The following RNF212B variants were observed in gnomAD, a reference collection of about 807,000 sequenced individuals.
The protein encoded by RNF212B is E3 ubiquitin-protein ligase RNF212B.
A neutral mutation model predicts 55.5 loss-of-function variants in RNF212B; 52 were observed. That is an observed-to-expected ratio of 0.94 (90% confidence interval 0.75 to 1.18). The LOEUF (loss-of-function observed/expected upper bound fraction) is 1.18. Ranked by LOEUF, RNF212B falls within the 50% of genes most tolerant of loss-of-function variation. The pLI is 0.00. For synonymous variants in RNF212B, 99 were observed against 121.4 expected, an observed-to-expected ratio of 0.82 and a Z score of 1.21; for missense variants, 289 against 350.4, an observed-to-expected ratio of 0.82 and a Z score of 1.40.
rs1467432308 is a variant in RNF212B at position 23,258,647 on chromosome 14, A to G, written c.327A>G (p.Ala109=). Residue 109 remains alanine, a synonymous_variant, in exon 5 of 15, where the codon GCA becomes GCG. Coordinates refer to ENST00000430154, the MANE Select transcript of RNF212B (RefSeq NM_001282322.3). ...CAGCCATGCAGGAGGCACAGCAAGC[A>G]CTGGTGAGCCAGGACAAGTAAGTAA... is the stretch of plus-strand genomic sequence containing the variant. ...LETAMQEAQQ[A]LVSQDKELSV... 2.0e-6 allele frequency: 3 copies of G among 1,517,712 alleles called. No individual in the cohort carries two copies. Among genetic ancestry groups the G allele is most frequent in the Admixed American group, 4.1e-5 (2 of 48,690 alleles). The allele number at this position is 1,517,712 out of a possible 1,614,324, so 94.0% of individuals were successfully genotyped here.
At chr14:23,241,518 G>A (rs953888384) in intron 2 of RNF212B, among the ~76,000 whole-genome samples, 4 of 151,990 alleles carry the variant, frequency 2.6e-5, no homozygotes, top group African/African-American at 9.7e-5. Flanking sequence ...CTGCTTCCCA[G>A]GTTCAAGCGA....
At chr14:23,194,695 A>T (rs942828286) in intron 2 of RNF212B, among the ~76,000 whole-genome samples, 2 of 133,510 alleles carry the variant, frequency 1.5e-5, no homozygotes, top group African/African-American at 2.8e-5. Context: ...AGATCGTGCC[A>T]CTGCACTCCA....
At chr14:23,250,317 A>G (rs1884310384) in intron 4 of RNF212B, among the ~76,000 whole-genome samples, 1 of 151,880 alleles carries the variant, frequency 6.6e-6, no homozygotes, top group African/African-American at 2.4e-5. Context: ...TGTCTCTACT[A>G]AAAATACAAA....
intron 4 of RNF212B, among the ~76,000 whole-genome samples, chr14:23,255,143 T>G (rs1191033219): frequency 6.6e-6 from 1 of 152,220 alleles, no homozygotes. Flanking sequence ...GGAAAGTAAC[T>G]TTGAACCAAC....
At chr14:23,239,566 G>C (rs1364456684) in intron 1 of RNF212B, among the ~76,000 whole-genome samples, 3 of 152,094 alleles carry the variant, frequency 2.0e-5, no homozygotes, top group East Asian at 1.9e-4. Context: ...AAAAGAAATG[G>C]ACGATTCATT....
Position 23,272,885 on chromosome 14 carries a change from T to C in RNF212B, c.897T>C (p.Ser299=). ...LPSGREAWTT[S]R ...GTGGGAGAGAAGCATGGACCACTTCTAGATAGATCATCTTCAAGATCTGAT... is the reference window on the plus strand; with the variant it reads ...GTGGGAGAGAAGCATGGACCACTTCCAGATAGATCATCTTCAAGATCTGAT... Residue 299 remains serine, a synonymous_variant, in exon 15 of 15, where the codon TCT becomes TCC. Coordinates refer to ENST00000430154, the MANE Select transcript of RNF212B (RefSeq NM_001282322.3). The C allele has an allele frequency of 6.5e-7, 1 of 1,530,894 alleles. No homozygotes were observed. 94.8% of individuals were successfully genotyped at this position (1,530,894 alleles called of 1,614,324 possible).
chr14:23,230,471 G>A lies in RNF212B; in HGVS notation c.-1-9874G>A, dbSNP rs187980146. On this transcript the variant is annotated intron_variant, in intron 2 of 15. Transcript: ENST00000399910. ...AGATCGAGACCATCCTGGCTAACAC[G>A]GTGAAACCCCGTCTCTACTAAAAAT... Among the ~76,000 whole-genome samples, 430 of 151,924 alleles carry A rather than the reference G, an allele frequency of 2.8e-3. 2 individuals carry two copies. The South Asian group carries it at 0.033, about 12-fold the overall frequency.
chr14:23,208,757 G>GTTTTCTTTTTTT (rs1880116217), intron 2 of RNF212B, among the ~76,000 whole-genome samples: 1 of 98,110 alleles, frequency 1.0e-5, no homozygotes, highest in African/African-American at 4.6e-5. Flanking sequence ...GCTGGTTGCC[G>GTTTTCTTTTTTT]TTTTTTTTTT....
chr14:23,243,173 T>A (rs780298164), intron 2 of RNF212B, 83 bp from the exon 3 acceptor site: 13 of 962,538 alleles, frequency 1.4e-5, no homozygotes, highest in African/African-American at 3.4e-5. Flanking sequence ...GCTAGCATAC[T>A]AGATTGTTGC....
At chr14:23,257,791 T>G (rs1211204554) in intron 4 of RNF212B, among the ~76,000 whole-genome samples, 1 of 152,210 alleles carries the variant, frequency 6.6e-6, no homozygotes, top group East Asian at 1.9e-4. Flanking sequence ...AATCTCCTTC[T>G]GTGCCTCTCC....
chr14:23,270,667 A>G lies in RNF212B; in HGVS notation c.834+6A>G. The G allele has an allele frequency of 6.5e-7, 1 of 1,543,070 alleles. No homozygotes were observed. Among genetic ancestry groups the G allele is most frequent in the Non-Finnish European group, 8.8e-7 (1 of 1,139,904 alleles). ...TCCAGCTACCAGTCCTGCAGGTGAG[A>G]CCTGGCTAGTCTAACTTGTCTGTGC... On this transcript the variant is annotated splice_donor_region_variant and intron_variant, in intron 14 of 14. Coordinates refer to ENST00000430154, the MANE Select transcript of RNF212B (RefSeq NM_001282322.3).
At chr14:23,248,437 CCTCTTT>C (rs1884155163) in intron 4 of RNF212B, among the ~76,000 whole-genome samples, 1 of 134,510 alleles carries the variant, frequency 7.4e-6, no homozygotes, top group Non-Finnish European at 1.6e-5. Context: ...CAACCCCAAG[CCTCTTT>C]TTTTTTTTTT....
chr14:23,206,832 G>A (rs1165178731), intron 2 of RNF212B, among the ~76,000 whole-genome samples: 4 of 150,824 alleles, frequency 2.7e-5, no homozygotes, highest in African/African-American at 4.9e-5. Context: ...AACTATTTTA[G>A]CAAAACAAAC....
chr14:23,223,747 A>G (rs1469135906), intron 2 of RNF212B, among the ~76,000 whole-genome samples: 2 of 152,230 alleles, frequency 1.3e-5, no homozygotes, highest in Non-Finnish European at 2.9e-5. Flanking sequence ...TAGAGTAATC[A>G]GACAAGAGAA....
At chr14:23,200,959 A>G (rs896295965) in intron 2 of RNF212B, among the ~76,000 whole-genome samples, 1 of 152,226 alleles carries the variant, frequency 6.6e-6, no homozygotes. Context: ...TTCTGGAGAA[A>G]ATCAATTACA....
intron 14 of RNF212B, 172 bp from the exon 15 acceptor site, chr14:23,272,651 A>G (rs975260823): frequency 1.3e-5 from 8 of 629,384 alleles, no homozygotes; most frequent in Admixed American, 7.4e-5. Flanking sequence ...GTCACACTAG[A>G]TGTAGCAAAT....
intron 11 of RNF212B, among the ~76,000 whole-genome samples, chr14:23,266,405 T>G (rs902852542): frequency 1.8e-5 from 1 of 55,658 alleles, no homozygotes; most frequent in Non-Finnish European, 3.1e-5. Flanking sequence ...CTTTTAAATG[T>G]TTTTTTTTTT....
intron 1 of RNF212B, among the ~76,000 whole-genome samples, chr14:23,190,360 C>T (rs1004419310): frequency 2.6e-5 from 4 of 152,128 alleles, no homozygotes; most frequent in Admixed American, 1.3e-4. Context: ...CCTAATATGC[C>T]CAAAAGAGAG....
chr14:23,203,086 A>G (rs1879472798), intron 2 of RNF212B, among the ~76,000 whole-genome samples: 1 of 152,102 alleles, frequency 6.6e-6, no homozygotes, highest in East Asian at 1.9e-4. Context: ...TCACCCAAGC[A>G]GTATACACTG....
Sources: gnomAD v4.1 joint callset for allele counts (sites outside exome capture counted in the v4.1 genomes callset) on GRCh38, gnomAD v4.1.1 for gene constraint, MANE v1.5 for transcripts, NCBI Gene and HGNC (gene_info 2026-07-23, HGNC 2026-07-21) for gene names.